The following REPIN1 variants were observed in gnomAD, a reference collection of about 807,000 sequenced individuals.
The protein encoded by REPIN1 is DNA-binding protein REPIN1.
Under a neutral mutation model 5.7 loss-of-function variants are expected in REPIN1, and 4 were observed. The ratio of observed to expected loss-of-function variants is 0.71; its 90% CI spans 0.35 to 1.62. The LOEUF (loss-of-function observed/expected upper bound fraction) is 1.62. REPIN1 is among the 40% of genes most tolerant of loss of function. The pLI, the probability that REPIN1 is intolerant of heterozygous loss-of-function variation, is 0.05. For missense variants in REPIN1, 854 were observed against 901.0 expected (o/e 0.95, Z 0.67); for synonymous variants, 410 against 386.2 (o/e 1.06, Z -0.72).
Position 150,372,214 on chromosome 7 carries a change from C to A in REPIN1, c.1144C>A (p.Pro382Thr). The A allele has an allele frequency of 6.3e-7, 1 of 1,581,438 alleles. No individual in the cohort carries two copies. The highest frequency in any genetic ancestry group is 2.3e-5 in the East Asian group (1 of 43,670). The change falls in exon 3 of 3, where the codon CCC (proline) becomes ACC (threonine). Residue 382 changes from proline (P) to threonine (T), a missense_variant. By Grantham distance (38) the Pro-to-Thr change is conservative. Around this residue, in one of 5 missense-constraint regions of REPIN1, gnomAD observed 327 missense variants for 307.8 expected, o/e 1.06. Transcript: ENST00000489432. The stretch of plus-strand genomic sequence containing the variant: ...ATCCGAGGGGTCGGCCCAGGCCGCC[C>A]CCGGCCCGGGGAGCCCCCAGCTGCC... ...KRSEGSAQAA[P>T]GPGSPQLPAG...
Position 150,372,708 on chromosome 7 carries a change from C to T in REPIN1, c.1638C>T (p.Cys546=), listed in dbSNP as rs1799991116. ...ACACCGGCGAGAAGCCCTACGTCTG[C>T]CCCGACTGCGGCAAAGCCTTCAGCC... ...RIHTGEKPYV[C]PDCGKAFSQK... is the part of the protein sequence containing the mutation. Residue 546 remains cysteine, a synonymous_variant, in exon 3 of 3, where the codon TGC becomes TGT. Transcript: ENST00000489432. The T allele has an allele frequency of 4.3e-6, 7 of 1,612,492 alleles. No homozygotes were observed. The highest frequency in any genetic ancestry group is 5.9e-6 in the Non-Finnish European group (7 of 1,179,844).
At chr7:150,368,425 G>C (rs1174827334), upstream of REPIN1, 2 of 152,142 alleles carry the variant, frequency 1.3e-5, no homozygotes, top group Middle Eastern at 3.4e-3. Context: ...GGGCTTGCCG[G>C]AGCCCTCTTT....
chr7:150,369,140 G>A (rs917869526), intron 1 of REPIN1, 199 bp downstream of exon 1: 5 of 347,480 alleles, frequency 1.4e-5, no homozygotes, highest in African/African-American at 2.1e-5. Flanking sequence ...TGGCTCACTC[G>A]CAAGAACGGG....
At position 150,369,761 on chromosome 7, in the gene REPIN1, G is replaced by A; in HGVS notation, c.50G>A (p.Gly17Asp). ...CTGCAGTTTTCTCTAACACCTGGGG[G>A]CTACCGGAGTGTGGGCCGAAGCAGG... Reference protein sequence around the residue: ...LLLQFSLTPGGYRSVGRSRRC... With the variant: ...LLLQFSLTPGDYRSVGRSRRC... Residue 17 changes from glycine (G) to aspartate (D), a missense_variant, in exon 2 of 3, where the codon GGC (glycine) becomes GAC (aspartate). This residue lies in a region of REPIN1 where 409 missense variants were observed against 418.6 expected (regional missense o/e 0.98). Transcript: ENST00000489432. 3 of 1,613,902 alleles carry A rather than the reference G, an allele frequency of 1.9e-6. No individual in the cohort carries two copies. Among genetic ancestry groups the A allele is most frequent in the Non-Finnish European group, 2.5e-6 (3 of 1,179,812 alleles).
At chr7:150,369,079 A>C in intron 1 of REPIN1, 138 bp downstream of exon 1, 7 of 350,330 alleles carry the variant, frequency 2.0e-5, no homozygotes, top group African/African-American at 4.3e-5. Flanking sequence ...GGGGTGGGGG[A>C]GCGCACCTGC....
Position 150,370,623 on chromosome 7 carries a change from C to T in REPIN1, c.158-605C>T, listed in dbSNP as rs1450706654. 3.1e-5 allele frequency: 20 copies of T among 646,014 alleles called. No individual in the cohort carries two copies. In the East Asian group the frequency reaches 5.4e-4, roughly 18 times the overall value. 40.0% of individuals were successfully genotyped at this position (646,014 alleles called of 1,614,324 possible). On this transcript the variant is annotated intron_variant, in intron 2 of 2. Coordinates refer to ENST00000489432, the MANE Select transcript of REPIN1 (RefSeq NM_001099695.2). ...TCTCTGAGATCTTTGCAAACCCAGG[C>T]GCTTTAGAGGAAAGAACACTGGCCT...
intron 2 of REPIN1, chr7:150,370,885 G>A (rs1377072534): frequency 2.9e-6 from 2 of 700,512 alleles, no homozygotes; most frequent in African/African-American, 1.7e-5. Flanking sequence ...ACATTTTCTG[G>A]TGAGTCCTGT....
Position 150,373,280 on chromosome 7 carries a change from CCA to C in REPIN1, c.*336_*337del, listed in dbSNP as rs1413794891. 2 of 375,574 alleles carry C rather than the reference CCA, an allele frequency of 5.3e-6. No homozygotes were observed. The highest frequency in any genetic ancestry group is 1.0e-5 in the Non-Finnish European group (2 of 196,942). 23.3% of individuals were successfully genotyped at this position (375,574 alleles called of 1,614,324 possible). On this transcript the variant is annotated 3_prime_UTR_variant, in exon 3 of 3. Transcript: ENST00000489432. The stretch of plus-strand genomic sequence containing the variant: ...AGCCACCAGTGGAAAGGAAGACCCT[CCA>C]TCCTCTGGTATTAACGCCTTAATGC...
chr7:150,371,367 C>A lies in REPIN1; in HGVS notation c.297C>A (p.Gly99=). The A allele has an allele frequency of 6.3e-7, 1 of 1,592,142 alleles. No homozygotes were observed. The highest frequency in any genetic ancestry group is 8.5e-7 in the Non-Finnish European group (1 of 1,170,442). The change falls in exon 3 of 3, where the codon GGC becomes GGA. Residue 99 remains glycine, a synonymous_variant. Transcript: ENST00000489432. ...GKESRGLRQQ[G]TSVAQSGAQA... ...AGTCCCGCGGGCTGAGGCAACAAGG[C>A]ACGTCAGTGGCCCAGTCTGGTGCCC...
Position 150,372,422 on chromosome 7 carries a change from A to G in REPIN1, c.1352A>G (p.Gln451Arg). 3 of 1,496,090 alleles carry G rather than the reference A, an allele frequency of 2.0e-6. No homozygotes were observed. Among genetic ancestry groups the G allele is most frequent in the Non-Finnish European group, 2.7e-6 (3 of 1,130,850 alleles). The allele number at this position is 1,496,090 out of a possible 1,614,324, so 92.7% of individuals were successfully genotyped here. The change falls in exon 3 of 3, where the codon CAG (glutamine) becomes CGG (arginine). Residue 451 changes from glutamine (Q) to arginine (R), a missense_variant. Around this residue, in one of 5 missense-constraint regions of REPIN1, gnomAD observed 327 missense variants for 307.8 expected, o/e 1.06. Transcript: ENST00000489432. Reference protein sequence around the residue: ...FRLERFLRAHQRQHTGERPFT... With the variant: ...FRLERFLRAHRRQHTGERPFT... ...CTGGAGCGCTTCCTGCGGGCCCACC[A>G]GCGGCAGCACACCGGGGAGCGGCCC...
chr7:150,369,290 C>A (rs556392148), intron 1 of REPIN1: 1 of 423,240 alleles, frequency 2.4e-6, no homozygotes, highest in Admixed American at 3.6e-5. Context: ...CCTGCGCAGC[C>A]CCATGGGAAA....
At chr7:150,368,387 G>T (rs1237986173), upstream of REPIN1, 2 of 151,824 alleles carry the variant, frequency 1.3e-5, no homozygotes, top group Non-Finnish European at 2.9e-5. Flanking sequence ...TGCGCGGCCT[G>T]AGAAAGGCCC....
rs575090642 is a variant in REPIN1, at chr7:150,373,979, T to C, written c.*1034T>C. 2 of 167,252 alleles carry C rather than the reference T, an allele frequency of 1.2e-5. No individual in the cohort carries two copies. The highest frequency in any genetic ancestry group is 1.3e-4 in the Admixed American group (2 of 15,314). The allele number at this position is 167,252 out of a possible 1,614,324, so 10.4% of individuals were successfully genotyped here. On this transcript the variant is annotated 3_prime_UTR_variant, in exon 3 of 3. Coordinates refer to ENST00000489432, the MANE Select transcript of REPIN1 (RefSeq NM_001099695.2). ...TGGGCCTTGTTCTGTTCTCTGGAAC[T>C]AAACAGAACAACCATTTACCCCTCC...
At chr7:150,369,049 G>A (rs1799175272) in intron 1 of REPIN1, 108 bp downstream of exon 1, 1 of 369,484 alleles carries the variant, frequency 2.7e-6, no homozygotes, top group Non-Finnish European at 4.8e-6. Flanking sequence ...TGCGCGGGGG[G>A]GGACGCTGCT....
Position 150,372,437 on chromosome 7 carries a change from G to T in REPIN1, c.1367G>T (p.Gly456Val). ...CGGGCCCACCAGCGGCAGCACACCG[G>T]GGAGCGGCCCTTCACCTGCGCCGAG... ...FLRAHQRQHT[G>V]ERPFTCAECG... is the part of the protein sequence containing the mutation. The change falls in exon 3 of 3, where the codon GGG (glycine) becomes GTG (valine). Residue 456 changes from glycine to valine, a missense_variant. By Grantham distance (109) the Gly-to-Val change is moderately radical. This residue lies in a region of REPIN1 where 327 missense variants were observed against 307.8 expected (regional missense o/e 1.06). Coordinates refer to ENST00000489432, the MANE Select transcript of REPIN1 (RefSeq NM_001099695.2). 1.3e-6 allele frequency: 2 copies of T among 1,514,960 alleles called. No homozygotes were observed. Among genetic ancestry groups the T allele is most frequent in the Non-Finnish European group, 8.8e-7 (1 of 1,139,274 alleles). 93.8% of individuals were successfully genotyped at this position (1,514,960 alleles called of 1,614,324 possible). A position where few individuals can be genotyped will look rare whatever the true frequency, so the allele number is the denominator to read the frequency against.
Position 150,373,019 on chromosome 7 carries a change from T to C in REPIN1, c.*74T>C, listed in dbSNP as rs907499331. The C allele has an allele frequency of 6.5e-7, 1 of 1,546,102 alleles. No individual in the cohort carries two copies. Among genetic ancestry groups the C allele is most frequent in the Non-Finnish European group, 8.8e-7 (1 of 1,142,318 alleles). Reference sequence around the variant, plus strand: ...GGTGGGAGTCGCAGTGGGCTGGGGGTGCCTGCCTAGTGCTGGAGTAGGGGA... The same window carrying C: ...GGTGGGAGTCGCAGTGGGCTGGGGGCGCCTGCCTAGTGCTGGAGTAGGGGA... On this transcript the variant is annotated 3_prime_UTR_variant, in exon 3 of 3. Coordinates refer to ENST00000489432, the MANE Select transcript of REPIN1 (RefSeq NM_001099695.2).
chr7:150,369,368 C>A, intron 1 of REPIN1: 1 of 413,252 alleles, frequency 2.4e-6, no homozygotes, highest in Admixed American at 3.5e-5. Context: ...AGAGTTCCTG[C>A]CATAGGCCGG....
At position 150,371,677 on chromosome 7, in the gene REPIN1, G is replaced by A. The variant is rs1332945679; in HGVS notation, c.607G>A (p.Ala203Thr). The A allele has an allele frequency of 1.2e-6, 2 of 1,605,406 alleles. No individual in the cohort carries two copies. Among genetic ancestry groups the A allele is most frequent in the East Asian group, 2.2e-5 (1 of 44,876 alleles). Residue 203 changes from alanine to threonine, a missense_variant, in exon 3 of 3, where the codon GCT becomes ACT. Transcript: ENST00000489432. ...RAHSAAKRPI[A>T]CPKCERRFWR... ...CCATTCAGCTGCAAAGCGGCCCATC[G>A]CTTGTCCCAAATGCGAGAGACGCTT...
In REPIN1 at chr7:150,371,158, G is replaced by T. The variant is rs562395077; in HGVS notation, c.158-70G>T. On this transcript the variant is annotated intron_variant, in intron 2 of 2. Transcript: ENST00000489432. ...TAGATGGCAGCTCCTGTCCGGGGCT[G>T]AGGTTGGGAGGGGAGAAACAGGGGC... The T allele has an allele frequency of 5.6e-5, 82 of 1,469,166 alleles. No homozygotes were observed. The South Asian group carries it at 6.5e-4, about 12-fold the overall frequency. 91.0% of individuals were successfully genotyped at this position (1,469,166 alleles called of 1,614,324 possible). A position where few individuals can be genotyped will look rare whatever the true frequency, so the allele number is the denominator to read the frequency against.
Sources: allele counts gnomAD v4.1 joint callset, GRCh38; gene constraint gnomAD v4.1.1; regional missense constraint gnomAD v4.1.1; transcripts MANE v1.5; gene names NCBI Gene and HGNC (gene_info 2026-07-23, HGNC 2026-07-21).